ZNF407: variants seen among roughly 807,000 people sequenced by gnomAD.
The protein encoded by ZNF407 is zinc finger protein 407.
ZNF407 carries 17 observed loss-of-function variants against 131.2 expected under a neutral mutation model. The ratio of observed to expected loss-of-function variants is 0.13; its 90% CI spans 0.09 to 0.19. ZNF407 has a LOEUF of 0.19. Ranked by LOEUF, ZNF407 falls within the 10% of genes least tolerant of loss-of-function variation. The pLI, the probability that ZNF407 is intolerant of heterozygous loss-of-function variation, is 1.00. For synonymous variants in ZNF407, 1,156 were observed against 1,062.0 expected, an observed-to-expected ratio of 1.09 and a Z score of -1.72; for missense variants, 2,681 against 2,830.6, an observed-to-expected ratio of 0.95 and a Z score of 1.20.
intron 3 of ZNF407, among the ~76,000 whole-genome samples, chr18:74,668,751 G>A (rs186330816): frequency 1.3e-5 from 2 of 152,234 alleles, no homozygotes; most frequent in African/African-American, 4.8e-5. Context: ...CTTTTTTCAT[G>A]TTGATTTCTC....
intron 7 of ZNF407, among the ~76,000 whole-genome samples, chr18:74,903,018 G>T (rs11151050): frequency 0.049 from 7,476 of 152,186 alleles, 288 homozygotes; most frequent in Non-Finnish European, 0.07. Context: ...TTTTATGGCT[G>T]CCCTTGCCCC....
In ZNF407 at chr18:74,961,204, C is replaced by T. The variant is rs532988546; in HGVS notation, c.5428+40512C>T. 2.0e-5 allele frequency among the ~76,000 whole-genome samples: 3 copies of T among 152,288 alleles called. No individual in the cohort carries two copies. The South Asian group carries it at 6.2e-4, about 32-fold the overall frequency. On this transcript the variant is annotated intron_variant, in intron 8 of 8. Coordinates refer to ENST00000299687, the MANE Select transcript of ZNF407 (RefSeq NM_017757.3). ...TGCTTTCCATTCATTAACTTTTTAA[C>T]TTTACATTTGTTATACTCCTTTAAT... is the stretch of plus-strand genomic sequence containing the variant.
intron 3 of ZNF407, among the ~76,000 whole-genome samples, chr18:74,753,100 A>G (rs1968845554): frequency 2.6e-5 from 4 of 152,112 alleles, no homozygotes. Context: ...CATCCCTTGT[A>G]AGTTGGATTC....
chr18:74,682,517 A>G (rs1444738349), intron 3 of ZNF407, among the ~76,000 whole-genome samples: 1 of 152,158 alleles, frequency 6.6e-6, no homozygotes, highest in African/African-American at 2.4e-5. Context: ...TAACATTTCT[A>G]GGCTAGTTTA....
chr18:74,690,867 A>G lies in ZNF407; in HGVS notation c.4802+49745A>G, dbSNP rs554856068. ...TTTTGGTTTATTGTCATACCTTGAG[A>G]AGGAATCTCATAATTAAAAATTATA... On this transcript the variant is annotated intron_variant, in intron 3 of 8. Transcript: ENST00000299687. Among the ~76,000 whole-genome samples the G allele has an allele frequency of 1.2e-4, 19 of 152,322 alleles. No homozygotes were observed. The East Asian group carries it at 3.7e-3, about 29-fold the overall frequency.
At chr18:74,971,518 A>G (rs1972472216) in intron 8 of ZNF407, among the ~76,000 whole-genome samples, 1 of 152,232 alleles carries the variant, frequency 6.6e-6, no homozygotes, top group Admixed American at 6.5e-5. Context: ...TCTCTAGGGC[A>G]GGGGCAAAAT....
chr18:74,908,937 G>A (rs1971631930), intron 7 of ZNF407, among the ~76,000 whole-genome samples: 1 of 151,890 alleles, frequency 6.6e-6, no homozygotes, highest in African/African-American at 2.4e-5. Flanking sequence ...GTAAATAAAT[G>A]TAATTAACTT....
chr18:74,804,816 C>T (rs930233243), intron 4 of ZNF407, among the ~76,000 whole-genome samples: 16 of 152,210 alleles, frequency 1.1e-4, no homozygotes, highest in Non-Finnish European at 2.4e-4. Flanking sequence ...TAAAGTAACA[C>T]TAAGCATGTG....
intron 3 of ZNF407, among the ~76,000 whole-genome samples, chr18:74,727,265 TAGGAAGAGAGTGA>T (rs1042892892): frequency 2.0e-5 from 3 of 151,194 alleles, no homozygotes; most frequent in East Asian, 2.0e-4. Flanking sequence ...AAGAGGACAG[TAGGAAGAGAGTGA>T]AGGAAGAGAG....
chr18:74,647,489 C>A (rs1314728961), intron 3 of ZNF407, among the ~76,000 whole-genome samples: 2 of 152,096 alleles, frequency 1.3e-5, no homozygotes, highest in African/African-American at 4.8e-5. Flanking sequence ...TGTAACCTTC[C>A]TGATCCCCAC....
intron 1 of ZNF407, among the ~76,000 whole-genome samples, chr18:74,620,398 C>T (rs1287005257): frequency 2.6e-5 from 4 of 152,124 alleles, no homozygotes; most frequent in East Asian, 1.9e-4. Flanking sequence ...GCTGGTCTCC[C>T]GTTCTGTTTT....
At chr18:74,731,330 A>G (rs1968289342) in intron 3 of ZNF407, among the ~76,000 whole-genome samples, 1 of 152,220 alleles carries the variant, frequency 6.6e-6, no homozygotes. Flanking sequence ...GGATTGTACT[A>G]GTCGAATTCC....
intron 3 of ZNF407, among the ~76,000 whole-genome samples, chr18:74,648,161 C>G (rs1423669526): frequency 6.6e-6 from 1 of 152,158 alleles, no homozygotes; most frequent in Admixed American, 6.5e-5. Context: ...TCAAGAAATA[C>G]CAAGTCTCCC....
intron 4 of ZNF407, among the ~76,000 whole-genome samples, chr18:74,805,957 T>C (rs149840936): frequency 2.6e-5 from 4 of 152,382 alleles, no homozygotes; most frequent in Admixed American, 2.6e-4. Flanking sequence ...ATGTATATTC[T>C]ACAGACTTTA....
chr18:74,991,905 T>G (rs1375178741), intron 8 of ZNF407, among the ~76,000 whole-genome samples: 1 of 152,260 alleles, frequency 6.6e-6, no homozygotes, highest in African/African-American at 2.4e-5. Context: ...CTTACTTTTC[T>G]ACATGAACCT....
At chr18:74,916,879 G>T (rs1206708769) in intron 7 of ZNF407, among the ~76,000 whole-genome samples, 1 of 152,044 alleles carries the variant, frequency 6.6e-6, no homozygotes, top group Non-Finnish European at 1.5e-5. Context: ...GTGATAATTA[G>T]CAGTAGCTGC....
At chr18:74,865,308 G>C (rs886272768) in intron 4 of ZNF407, among the ~76,000 whole-genome samples, 5 of 152,118 alleles carry the variant, frequency 3.3e-5, no homozygotes, top group African/African-American at 1.2e-4. Flanking sequence ...CAGTTGTGTG[G>C]TTTTGTTTTC....
At chr18:74,771,801 T>G (rs1399087552) in intron 3 of ZNF407, among the ~76,000 whole-genome samples, 3 of 152,104 alleles carry the variant, frequency 2.0e-5, no homozygotes, top group African/African-American at 7.2e-5. Context: ...TTAGTTTTTC[T>G]CTTCATCATA....
chr18:74,672,091 T>TTG (rs1285896346), intron 3 of ZNF407, among the ~76,000 whole-genome samples: 1 of 152,156 alleles, frequency 6.6e-6, no homozygotes, highest in Non-Finnish European at 1.5e-5. Context: ...ATGGGATTGC[T>TTG]GGGGGGTAGT....
Sources: allele counts gnomAD v4.1 joint callset (sites outside exome capture counted in the v4.1 genomes callset), GRCh38; gene constraint gnomAD v4.1.1; transcripts MANE v1.5; gene names NCBI Gene and HGNC (gene_info 2026-07-23, HGNC 2026-07-21).